TENM4: variants seen among roughly 807,000 people sequenced by gnomAD.
The protein encoded by TENM4 is teneurin-4.
A neutral mutation model predicts 243.3 loss-of-function variants in TENM4; 82 were observed. The observed-to-expected ratio is 0.34, with a 90% CI of 0.28 to 0.40. TENM4 has a LOEUF of 0.40. Ranked by LOEUF, TENM4 falls within the 10% of genes least tolerant of loss-of-function variation. The probability of loss-of-function intolerance (pLI) is 1.00; values close to 1 mark genes in which losing one functional copy is unlikely to be tolerated. For missense variants in TENM4, 3,138 were observed against 3,673.3 expected (o/e 0.85, Z 3.77); for synonymous variants, 1,412 against 1,456.3 (o/e 0.97, Z 0.69).
At chr11:79,314,604 A>T (rs922234722) in intron 1 of TENM4, among the ~76,000 whole-genome samples, 1 of 152,168 alleles carries the variant, frequency 6.6e-6, no homozygotes, top group Non-Finnish European at 1.5e-5. Flanking sequence ...CCCGGCATAC[A>T]ATAGGTGCCA....
chr11:78,957,770 C>G (rs1020260133), intron 6 of TENM4, among the ~76,000 whole-genome samples: 2 of 152,186 alleles, frequency 1.3e-5, no homozygotes, highest in African/African-American at 4.8e-5. Flanking sequence ...GAAGCTGCAC[C>G]AAAGTTTAGT....
intron 2 of TENM4, among the ~76,000 whole-genome samples, chr11:79,259,640 T>C (rs905052518): frequency 1.3e-4 from 17 of 131,862 alleles, no homozygotes; most frequent in African/African-American, 5.2e-4. Flanking sequence ...CACTCCCCCA[T>C]CCATCCATCC....
At chr11:79,073,354 T>C (rs1860463853) in intron 4 of TENM4, among the ~76,000 whole-genome samples, 1 of 152,202 alleles carries the variant, frequency 6.6e-6, no homozygotes. Flanking sequence ...GCATGATGTT[T>C]CATCACTGCA....
chr11:78,988,118 A>G (rs769252498), intron 6 of TENM4, among the ~76,000 whole-genome samples: 5 of 152,256 alleles, frequency 3.3e-5, no homozygotes, highest in Non-Finnish European at 7.3e-5. Context: ...AGGCTAGCAC[A>G]TAGAAGATAT....
chr11:78,974,163 G>C (rs1416606460), intron 6 of TENM4, among the ~76,000 whole-genome samples: 1 of 152,172 alleles, frequency 6.6e-6, no homozygotes, highest in Non-Finnish European at 1.5e-5. Context: ...GGTGGGGACT[G>C]GTTTATTCAT....
chr11:78,668,520 C>A (rs796507520), intron 32 of TENM4, among the ~76,000 whole-genome samples: 6 of 152,104 alleles, frequency 3.9e-5, no homozygotes, highest in African/African-American at 1.4e-4. Context: ...GACTCATTAG[C>A]AGTTTGATTT....
intron 6 of TENM4, among the ~76,000 whole-genome samples, chr11:79,035,979 G>A (rs1367328315): frequency 6.6e-6 from 1 of 152,168 alleles, no homozygotes; most frequent in Non-Finnish European, 1.5e-5. Context: ...TAGATCTACT[G>A]TTTTATTTCC....
At chr11:78,714,595 G>T (rs1401260369) in intron 25 of TENM4, among the ~76,000 whole-genome samples, 1 of 152,140 alleles carries the variant, frequency 6.6e-6, no homozygotes, top group Admixed American at 6.5e-5. Context: ...TTCCCTTCAA[G>T]GATTCCTTAA....
At chr11:79,131,032 T>A (rs1227094414) in intron 4 of TENM4, among the ~76,000 whole-genome samples, 4 of 152,062 alleles carry the variant, frequency 2.6e-5, no homozygotes, top group African/African-American at 9.7e-5. Context: ...TCTAGGATTA[T>A]GTTAAATGAT....
At chr11:79,387,284 A>T (rs768074702) in intron 1 of TENM4, among the ~76,000 whole-genome samples, 1 of 152,218 alleles carries the variant, frequency 6.6e-6, no homozygotes, top group Non-Finnish European at 1.5e-5. Context: ...GGGGGATCAC[A>T]TTCTATTTCA....
intron 6 of TENM4, among the ~76,000 whole-genome samples, chr11:78,951,840 G>T (rs1857114521): frequency 6.6e-6 from 1 of 152,152 alleles, no homozygotes; most frequent in Non-Finnish European, 1.5e-5. Flanking sequence ...TGTTGATGGT[G>T]AACACAATTC....
chr11:78,719,705 A>G (rs1189500343), intron 25 of TENM4, among the ~76,000 whole-genome samples: 1 of 152,236 alleles, frequency 6.6e-6, no homozygotes, highest in African/African-American at 2.4e-5. Flanking sequence ...TCCAGGAGTC[A>G]GGTGAATGCC....
intron 4 of TENM4, among the ~76,000 whole-genome samples, chr11:79,134,699 T>TA (rs1862073810): frequency 6.6e-6 from 1 of 152,058 alleles, no homozygotes; most frequent in Non-Finnish European, 1.5e-5. Context: ...CCCAAATACT[T>TA]ACAGCTAACT....
intron 6 of TENM4, among the ~76,000 whole-genome samples, chr11:78,930,799 C>G (rs899454028): frequency 6.6e-6 from 1 of 152,184 alleles, no homozygotes; most frequent in Non-Finnish European, 1.5e-5. Flanking sequence ...TGGATAAGAG[C>G]CCTTTCTTCT....
intron 1 of TENM4, among the ~76,000 whole-genome samples, chr11:79,320,362 A>G (rs562246): frequency 0.34 from 51,120 of 152,148 alleles, 8,987 homozygotes; most frequent in South Asian, 0.51. Context: ...ACAGGGTGTG[A>G]GGAGGGCTGC....
intron 9 of TENM4, among the ~76,000 whole-genome samples, chr11:78,864,433 CAAAAAAAAAAAAAAAAAAA>C (rs145489804): frequency 8.3e-5 from 3 of 36,204 alleles, no homozygotes; most frequent in Admixed American, 5.5e-4. Context: ...GACTCCGTCT[CAAAAAAAAAAAAAAAAAAA>C]AAAAAAAAAA....
intron 1 of TENM4, among the ~76,000 whole-genome samples, chr11:79,337,717 G>A (rs1450393287): frequency 6.6e-6 from 1 of 152,106 alleles, no homozygotes; most frequent in Admixed American, 6.5e-5. Context: ...TTGTTTTGGT[G>A]GGGCCATGCT....
intron 1 of TENM4, among the ~76,000 whole-genome samples, chr11:79,317,240 A>T (rs1450832958): frequency 6.6e-6 from 1 of 152,240 alleles, no homozygotes; most frequent in Non-Finnish European, 1.5e-5. Flanking sequence ...ACACAACTCC[A>T]TGTATCCAAA....
intron 6 of TENM4, among the ~76,000 whole-genome samples, chr11:78,964,566 A>G (rs79408995): frequency 0.017 from 2,639 of 152,264 alleles, 74 homozygotes; most frequent in African/African-American, 0.06. Flanking sequence ...ACAATCTTTT[A>G]AGCCAGCATT....
Sources: gnomAD v4.1 joint callset for allele counts (sites outside exome capture counted in the v4.1 genomes callset) on GRCh38, gnomAD v4.1.1 for gene constraint, MANE v1.5 for transcripts, NCBI Gene and HGNC (gene_info 2026-07-23, HGNC 2026-07-21) for gene names.